The following SARS1 variants were observed in gnomAD, a reference collection of about 807,000 sequenced individuals.
The protein encoded by SARS1 is serine--tRNA ligase, cytoplasmic.
A neutral mutation model predicts 63.7 loss-of-function variants in SARS1; 25 were observed. The ratio of observed to expected loss-of-function variants is 0.39; its 90% CI spans 0.29 to 0.55. The LOEUF (loss-of-function observed/expected upper bound fraction) is 0.55. SARS1 is among the 20% of genes least tolerant of loss of function. SARS1 has a pLI of 0.62. For missense variants in SARS1, 417 were observed against 649.7 expected (o/e 0.64, Z 3.89); for synonymous variants, 231 against 243.5 (o/e 0.95, Z 0.48).
intron 1 of SARS1, chr1:109,215,420 T>G (rs1654760814): frequency 1.0e-6 from 1 of 985,340 alleles, no homozygotes; most frequent in African/African-American, 1.7e-5. Flanking sequence ...CTGAGGGATT[T>G]GTCCCTTATC....
intron 3 of SARS1, among the ~76,000 whole-genome samples, chr1:109,228,713 G>A (rs777784628): frequency 7.9e-5 from 12 of 152,190 alleles, no homozygotes; most frequent in Admixed American, 3.9e-4. Context: ...ATATTCTACC[G>A]TTTGTTACAC....
chr1:109,216,341 G>A (rs1377467012), intron 1 of SARS1: 1 of 985,120 alleles, frequency 1.0e-6, no homozygotes, highest in Non-Finnish European at 1.2e-6. Flanking sequence ...GGTACCACTA[G>A]GGTTCCTTTG....
rs151293360 is a variant in SARS1, at chr1:109,216,890, T to C, written c.136+2762T>C. On this transcript the variant is annotated intron_variant, in intron 1 of 10. Transcript: ENST00000234677. ...CTCCCACCTCGGCCTCCCAAAGTGT[T>C]GGGATTACAGGCATGAGTCACCATG... 4 of 980,474 alleles carry C rather than the reference T, an allele frequency of 4.1e-6. No homozygotes were observed. The East Asian group carries it at 4.5e-4, about 111-fold the overall frequency. The allele number at this position is 980,474 out of a possible 1,614,324, so 60.7% of individuals were successfully genotyped here.
intron 1 of SARS1, chr1:109,217,003 T>C: frequency 1.0e-6 from 1 of 985,438 alleles, no homozygotes; most frequent in South Asian, 4.7e-5. Context: ...GCAACTGGAA[T>C]AGCTTTCTAT....
rs879081946 is a variant in SARS1, at chr1:109,214,884, A to G, written c.136+756A>G. 115 of 985,456 alleles carry G rather than the reference A, an allele frequency of 1.2e-4. No individual in the cohort carries two copies. The highest frequency in any genetic ancestry group is 1.0e-3 in the Middle Eastern group (2 of 1,912). 61.0% of individuals were successfully genotyped at this position (985,456 alleles called of 1,614,324 possible). A position where few individuals can be genotyped will look rare whatever the true frequency, so the allele number is the denominator to read the frequency against. On this transcript the variant is annotated intron_variant, in intron 1 of 10. Coordinates refer to ENST00000234677, the MANE Select transcript of SARS1 (RefSeq NM_006513.4). This position sits in a 1 kb window ranked among gnomAD's most constrained non-coding sequence, Gnocchi z 4.6. ...GATCTTGGAGTCATATCGGGCATCTATCATGAAGCCGAATAAAACCATAGA... is the reference window on the plus strand; with the variant it reads ...GATCTTGGAGTCATATCGGGCATCTGTCATGAAGCCGAATAAAACCATAGA...
intron 9 of SARS1, 128 bp downstream of exon 9, chr1:109,236,676 A>T: frequency 6.7e-7 from 1 of 1,489,968 alleles, no homozygotes. Context: ...ATCTAGACCA[A>T]AAAGGGAATC....
At chr1:109,218,241 C>T (rs190655339) in intron 1 of SARS1, among the ~76,000 whole-genome samples, 1 of 149,610 alleles carries the variant, frequency 6.7e-6, no homozygotes, top group Non-Finnish European at 1.5e-5. Flanking sequence ...GTGGCGGGCG[C>T]CTGTAATCCC....
chr1:109,226,543 G>C, intron 2 of SARS1, among the ~76,000 whole-genome samples: 1 of 148,010 alleles, frequency 6.8e-6, no homozygotes, highest in Non-Finnish European at 1.5e-5. Flanking sequence ...ACCCAGGCTG[G>C]AGTGCAGTGG....
In SARS1 at chr1:109,237,752, T is replaced by C. The variant is rs759987452; in HGVS notation, c.1409T>C (p.Phe470Ser). 1.9e-6 allele frequency: 3 copies of C among 1,614,046 alleles called. No homozygotes were observed. Among genetic ancestry groups the C allele is most frequent in the Non-Finnish European group, 2.5e-6 (3 of 1,180,008 alleles). Reference protein sequence around the residue: ...MPPGLQELIPFVKPAPIEQEP... With the variant: ...MPPGLQELIPSVKPAPIEQEP... ...CCAGGACTGCAAGAACTGATCCCCTTTGTGAAGCCTGCGCCCATTGAGCAG... is the reference window on the plus strand; with the variant it reads ...CCAGGACTGCAAGAACTGATCCCCTCTGTGAAGCCTGCGCCCATTGAGCAG... The change falls in exon 11 of 11, where the codon TTT becomes TCT. Residue 470 changes from phenylalanine (F) to serine (S), a missense_variant. Physicochemically the swap from Phe to Ser is radical, Grantham distance 155 (BLOSUM62 -2). This residue lies in a region of SARS1 where 43 missense variants were observed against 68.1 expected (regional missense o/e 0.63). Coordinates refer to ENST00000234677, the MANE Select transcript of SARS1 (RefSeq NM_006513.4). This position sits in a 1 kb window ranked among gnomAD's most constrained non-coding sequence, Gnocchi z 4.1.
At position 109,220,117 on chromosome 1, in the gene SARS1, G is replaced by A. The variant is rs932344851; in HGVS notation, c.137-3861G>A. On this transcript the variant is annotated intron_variant, in intron 1 of 10. Coordinates refer to ENST00000234677, the MANE Select transcript of SARS1 (RefSeq NM_006513.4). ...ATGAATACAATGTGGAATAATAAAA[G>A]CAGCTAATTAACATATCCATCACCT... is the stretch of plus-strand genomic sequence containing the variant. 1.3e-4 allele frequency among the ~76,000 whole-genome samples: 20 copies of A among 152,302 alleles called. 1 individual carries two copies. Among genetic ancestry groups the A allele is most frequent in the Admixed American group, 1.3e-3 (20 of 15,296 alleles).
intron 6 of SARS1, 124 bp downstream of exon 6, chr1:109,231,910 C>G (rs1275865196): frequency 2.5e-6 from 2 of 787,538 alleles, no homozygotes; most frequent in East Asian, 3.3e-5. Flanking sequence ...CTCTGTGACT[C>G]TTGAGCACTT....
chr1:109,230,221 T>A (rs887062958), intron 4 of SARS1, among the ~76,000 whole-genome samples: 1 of 152,010 alleles, frequency 6.6e-6, no homozygotes, highest in African/African-American at 2.4e-5. Flanking sequence ...ATGTCGATTG[T>A]CTGGGAAGGG....
chr1:109,215,699 C>CTTTGT lies in SARS1; in HGVS notation c.136+1590_136+1594dup, dbSNP rs761867538. 5.6e-5 allele frequency: 52 copies of CTTTGT among 936,696 alleles called. No individual in the cohort carries two copies. The East Asian group carries it at 1.8e-3, about 32-fold the overall frequency. The allele number at this position is 936,696 out of a possible 1,614,324, so 58.0% of individuals were successfully genotyped here. A position where few individuals can be genotyped will look rare whatever the true frequency, so the allele number is the denominator to read the frequency against. On this transcript the variant is annotated intron_variant, in intron 1 of 10. Coordinates refer to ENST00000234677, the MANE Select transcript of SARS1 (RefSeq NM_006513.4). ...TCCTAAATGTGAAGTCATTTCTTTT[C>CTTTGT]TTTGTTTTGTTTTGTTTTGTTTTTG...
chr1:109,228,088 A>G (rs1655130223), intron 2 of SARS1, among the ~76,000 whole-genome samples: 1 of 152,150 alleles, frequency 6.6e-6, no homozygotes, highest in Non-Finnish European at 1.5e-5. Flanking sequence ...CATATTCTTC[A>G]GGATGTTAAT....
chr1:109,230,570 G>A (rs1655187240), intron 4 of SARS1, among the ~76,000 whole-genome samples: 2 of 152,210 alleles, frequency 1.3e-5, no homozygotes, highest in South Asian at 4.1e-4. Context: ...ACTTTGGGAA[G>A]CCTAGGCAGG....
chr1:109,216,286 C>G, intron 1 of SARS1: 1 of 985,350 alleles, frequency 1.0e-6, no homozygotes, highest in Non-Finnish European at 1.2e-6. Context: ...CTTCACCAAG[C>G]CCTCCACTAC....
chr1:109,216,130 C>A (rs759317204), intron 1 of SARS1: 8 of 985,458 alleles, frequency 8.1e-6, no homozygotes, highest in Non-Finnish European at 9.6e-6. Flanking sequence ...AAGGTAGACA[C>A]TGGCAGATTT....
intron 2 of SARS1, among the ~76,000 whole-genome samples, chr1:109,226,699 C>CACACATATATATATATATATAT: frequency 2.9e-5 from 2 of 67,978 alleles, no homozygotes; most frequent in East Asian, 4.9e-4. Context: ...TATATATATA[C>CACACATATATATATATATATAT]ACACACACAC....
chr1:109,220,427 G>A (rs934459486), intron 1 of SARS1, among the ~76,000 whole-genome samples: 1 of 152,180 alleles, frequency 6.6e-6, no homozygotes, highest in African/African-American at 2.4e-5. Flanking sequence ...GATATATAGT[G>A]GTGTCTCATT....
Sources: gnomAD v4.1 joint callset for allele counts (sites outside exome capture counted in the v4.1 genomes callset) on GRCh38, gnomAD v4.1.1 for gene constraint, gnomAD v4.1.1 regional missense constraint, Gnocchi (gnomAD v3.1) non-coding constraint, MANE v1.5 for transcripts, NCBI Gene and HGNC (gene_info 2026-07-23, HGNC 2026-07-21) for gene names.